CCDC171: variants seen among roughly 807,000 people sequenced by gnomAD.
The protein encoded by CCDC171 is coiled-coil domain containing 171, also known as coiled-coil domain-containing protein 171.
A neutral mutation model predicts 168.2 loss-of-function variants in CCDC171; 177 were observed. That is an observed-to-expected ratio of 1.05 (90% CI 0.93 to 1.19). The LOEUF is 1.19. Among genes scored for constraint, CCDC171 ranks in the 50% most tolerant of loss-of-function variants. The probability of loss-of-function intolerance (pLI) is 0.00; values close to 1 mark genes in which losing one functional copy is unlikely to be tolerated. For synonymous variants in CCDC171, 687 were observed against 540.8 expected (o/e 1.27, Z -3.75); for missense variants, 1,991 against 1,539.0 (o/e 1.29, Z -4.91).
chr9:15,878,863 A>G (rs540258339), intron 24 of CCDC171, among the ~76,000 whole-genome samples: 2 of 152,316 alleles, frequency 1.3e-5, no homozygotes, highest in South Asian at 4.1e-4. Context: ...ATCCTCAGCA[A>G]TCTAACACGG....
the CCDC171 span, among the ~76,000 whole-genome samples, chr9:16,091,949 A>C: frequency 1.3e-5 from 2 of 152,214 alleles, no homozygotes; most frequent in Admixed American, 1.3e-4. Flanking sequence ...ACAAGGTTTT[A>C]AATACAGGCT....
At chr9:16,094,824 CA>C in the CCDC171 span, among the ~76,000 whole-genome samples, 3 of 152,178 alleles carry the variant, frequency 2.0e-5, no homozygotes, top group East Asian at 3.8e-4. Flanking sequence ...TAGATTTGGG[CA>C]GGGACACAGA....
intron 3 of CCDC171, among the ~76,000 whole-genome samples, chr9:15,992,954 C>A (rs573471527): frequency 1.3e-5 from 2 of 152,214 alleles, no homozygotes; most frequent in East Asian, 1.9e-4. Flanking sequence ...AGGACACAAA[C>A]AAATGGAAGA....
intron 21 of CCDC171, among the ~76,000 whole-genome samples, chr9:15,795,008 G>A (rs1464837029): frequency 2.0e-5 from 3 of 152,230 alleles, no homozygotes; most frequent in Non-Finnish European, 4.4e-5. Context: ...AACACAGAGA[G>A]TGGTGTCTTA....
intron 1 of CCDC171, among the ~76,000 whole-genome samples, chr9:15,559,108 T>C (rs953926499): frequency 6.6e-6 from 1 of 152,180 alleles, no homozygotes; most frequent in African/African-American, 2.4e-5. Flanking sequence ...CAGTTTGTTA[T>C]AATTTCTGTT....
chr9:15,989,393 A>G (rs1453874671), intron 3 of CCDC171, among the ~76,000 whole-genome samples: 2 of 152,198 alleles, frequency 1.3e-5, no homozygotes, highest in Admixed American at 6.5e-5. Context: ...AAACTAACAA[A>G]CAGAAAGGAC....
intron 18 of CCDC171, 39 bp downstream of exon 18, chr9:15,745,670 A>G (rs767623353): frequency 3.4e-6 from 4 of 1,186,418 alleles, no homozygotes; most frequent in Non-Finnish European, 4.8e-6. Context: ...AAATACATTT[A>G]AGAACAAATA....
chr9:15,689,579 C>T (rs748949462), intron 10 of CCDC171, among the ~76,000 whole-genome samples: 3 of 152,066 alleles, frequency 2.0e-5, no homozygotes, highest in Non-Finnish European at 2.9e-5. Context: ...GGTGTGATGG[C>T]GCGTATCTGT....
intron 11 of CCDC171, among the ~76,000 whole-genome samples, chr9:15,711,977 C>G (rs1020772215): frequency 6.6e-6 from 1 of 152,186 alleles, no homozygotes; most frequent in Non-Finnish European, 1.5e-5. Context: ...GGTCTATTAT[C>G]CGGGAGAGCT....
chr9:15,988,994 C>A (rs1365458590), intron 3 of CCDC171, among the ~76,000 whole-genome samples: 1 of 152,202 alleles, frequency 6.6e-6, no homozygotes, highest in African/African-American at 2.4e-5. Context: ...TAGACTCCAC[C>A]TCTGGGGGCA....
chr9:15,878,966 T>C (rs1156597417), intron 24 of CCDC171, among the ~76,000 whole-genome samples: 2 of 151,866 alleles, frequency 1.3e-5, no homozygotes, highest in Admixed American at 6.6e-5. Context: ...GGGCCTTGAG[T>C]CTGGAGGGTG....
At chr9:15,676,145 T>G (rs895425136) in intron 9 of CCDC171, among the ~76,000 whole-genome samples, 3 of 152,280 alleles carry the variant, frequency 2.0e-5, no homozygotes, top group African/African-American at 7.2e-5. Context: ...ACTGATATCC[T>G]TTCTTCCACT....
intron 7 of CCDC171, among the ~76,000 whole-genome samples, chr9:15,655,998 G>C (rs114672288): frequency 9.9e-4 from 150 of 152,184 alleles, no homozygotes; most frequent in African/African-American, 3.4e-3. Context: ...TGGCACCATC[G>C]CTTTGGAAAA....
At chr9:15,832,083 CTCAA>C (rs1469420427) in intron 21 of CCDC171, among the ~76,000 whole-genome samples, 1 of 152,106 alleles carries the variant, frequency 6.6e-6, no homozygotes, top group African/African-American at 2.4e-5. Flanking sequence ...TATTTTTCAA[CTCAA>C]TCAACTTTTC....
intron 10 of CCDC171, among the ~76,000 whole-genome samples, chr9:15,688,118 C>CAAAAAAAAAAAAAA (rs33945014): frequency 1.1e-5 from 1 of 94,914 alleles, no homozygotes; most frequent in African/African-American, 3.9e-5. Flanking sequence ...GACTCCATCT[C>CAAAAAAAAAAAAAA]AAAAAAAAAA....
intron 7 of CCDC171, among the ~76,000 whole-genome samples, chr9:15,650,398 T>C (rs2047418831): frequency 6.6e-6 from 1 of 151,566 alleles, no homozygotes; most frequent in East Asian, 1.9e-4. Context: ...TAAAGTATAA[T>C]AAAAAAAAGA....
At chr9:15,614,722 A>G (rs1047092786) in intron 6 of CCDC171, among the ~76,000 whole-genome samples, 1 of 152,210 alleles carries the variant, frequency 6.6e-6, no homozygotes, top group Admixed American at 6.5e-5. Context: ...GATAATTTTT[A>G]AAAATATCAT....
At chr9:15,822,983 C>T (rs1207986555) in intron 21 of CCDC171, among the ~76,000 whole-genome samples, 4 of 152,098 alleles carry the variant, frequency 2.6e-5, no homozygotes, top group African/African-American at 4.8e-5. Flanking sequence ...GGCACATATA[C>T]ACAATGGAAT....
In CCDC171 at chr9:15,610,444, T is replaced by TAAAAAAAAAAAAAAAAAA. The variant is rs754593075; in HGVS notation, c.676-12803_676-12786dup. Among the ~76,000 whole-genome samples the TAAAAAAAAAAAAAAAAAA allele has an allele frequency of 6.3e-4, 8 of 12,724 alleles. 2 individuals carry two copies. The highest frequency in any genetic ancestry group is 9.2e-3 in the South Asian group (2 of 218). 8.3% of individuals were successfully genotyped at this position (12,724 alleles called of 152,430 possible). A position where few individuals can be genotyped will look rare whatever the true frequency, so the allele number is the denominator to read the frequency against. The stretch of plus-strand genomic sequence containing the variant: ...CAACATGGTGAAACCCCATCTCAAC[T>TAAAAAAAAAAAAAAAAAA]AAAAAAAAAAAAAAAAAAAAAAAAA... On this transcript the variant is annotated intron_variant, in intron 6 of 25. Coordinates refer to ENST00000380701, the MANE Select transcript of CCDC171 (RefSeq NM_173550.4).
Sources: allele counts gnomAD v4.1 joint callset (sites outside exome capture counted in the v4.1 genomes callset), GRCh38; gene constraint gnomAD v4.1.1; transcripts MANE v1.5; gene names NCBI Gene and HGNC (gene_info 2026-07-23, HGNC 2026-07-21).